The following NOS1AP variants were observed in gnomAD, a reference collection of about 807,000 sequenced individuals.
The protein encoded by NOS1AP is nitric oxide synthase 1 adaptor protein.
A neutral mutation model predicts 56.2 loss-of-function variants in NOS1AP; 21 were observed. The ratio of observed to expected loss-of-function variants is 0.37; its 90% CI spans 0.26 to 0.54. The LOEUF is 0.54. Ranked by LOEUF, NOS1AP falls within the 20% of genes least tolerant of loss-of-function variation. NOS1AP has a pLI of 0.84. For synonymous variants in NOS1AP, 270 were observed against 274.6 expected (o/e 0.98, Z 0.17); for missense variants, 522 against 657.8 (o/e 0.79, Z 2.26).
At chr1:162,230,502 A>G (rs1653087979) in intron 2 of NOS1AP, among the ~76,000 whole-genome samples, 1 of 152,254 alleles carries the variant, frequency 6.6e-6, no homozygotes, top group African/African-American at 2.4e-5. Flanking sequence ...ATCTGGTGAT[A>G]CTAATTTTTA....
intron 2 of NOS1AP, among the ~76,000 whole-genome samples, chr1:162,249,809 T>C (rs953186836): frequency 6.6e-6 from 1 of 152,190 alleles, no homozygotes; most frequent in African/African-American, 2.4e-5. Context: ...CATTCAACCA[T>C]GATCTACTCT....
chr1:162,166,004 ACTCAAGAATGTAAGCTGGAAAC>A (rs1384468912), intron 2 of NOS1AP, among the ~76,000 whole-genome samples: 1 of 152,160 alleles, frequency 6.6e-6, no homozygotes, highest in African/African-American at 2.4e-5. Flanking sequence ...CATCTTGACC[ACTCAAGAATGTAAGCTGGAAAC>A]CTCAGGGTCA....
At position 162,367,264 on chromosome 1, in the gene NOS1AP, C is replaced by T. The variant is rs750724443; in HGVS notation, c.1318C>T (p.Pro440Ser). Reference protein sequence around the residue: ...CFRFLPPEDTPPPAQGEALLG... With the variant: ...CFRFLPPEDTSPPAQGEALLG... ...TCGCTTTCTTCCGCCCGAGGACACC[C>T]CGCCCCCAGCGCAGGGCGAGGCGCT... Residue 440 changes from proline (P) to serine (S), a missense_variant, in exon 10 of 10, where the codon CCG becomes TCG. Pro to Ser is a moderately conservative substitution (Grantham distance 74). This residue lies in a region of NOS1AP where 160 missense variants were observed against 180.3 expected (regional missense o/e 0.89). Coordinates refer to ENST00000361897, the MANE Select transcript of NOS1AP (RefSeq NM_014697.3). This position sits in a 1 kb window ranked among gnomAD's most constrained non-coding sequence, Gnocchi z 6.5. The T allele has an allele frequency of 1.9e-4, 311 of 1,613,588 alleles. 1 individual carries two copies. Among genetic ancestry groups the T allele is most frequent in the Non-Finnish European group, 2.6e-4 (305 of 1,179,966 alleles).
At chr1:162,240,519 C>T (rs1443877462) in intron 2 of NOS1AP, among the ~76,000 whole-genome samples, 1 of 152,222 alleles carries the variant, frequency 6.6e-6, no homozygotes, top group Admixed American at 6.5e-5. Context: ...TGGATAAGGG[C>T]TCTTACAGCA....
At chr1:162,257,580 CAGAG>C (rs1381921255) in intron 2 of NOS1AP, among the ~76,000 whole-genome samples, 2 of 150,964 alleles carry the variant, frequency 1.3e-5, no homozygotes, top group African/African-American at 4.9e-5. Flanking sequence ...ATCCAGGAGG[CAGAG>C]GTTGCAGTGA....
Position 162,261,515 on chromosome 1 carries a change from A to AAGAGAAGAGAG in NOS1AP, c.178-25829_178-25828insAGAGAAGAGAG, listed in dbSNP as rs1557853895. On this transcript the variant is annotated intron_variant, in intron 2 of 9. Coordinates refer to ENST00000361897, the MANE Select transcript of NOS1AP (RefSeq NM_014697.3). ...GAGAGAGAGAGAGAGAGAGAGAGAG[A>AAGAGAAGAGAG]GAGAGAGAGAGAGAGAGAGAGAGAG... is the stretch of plus-strand genomic sequence containing the variant. 2.4e-4 allele frequency among the ~76,000 whole-genome samples: 6 copies of AAGAGAAGAGAG among 24,602 alleles called. 2 individuals carry two copies. The highest frequency in any genetic ancestry group is 1.3e-3 in the Admixed American group (4 of 3,138). 16.1% of individuals were successfully genotyped at this position (24,602 alleles called of 152,430 possible). A position where few individuals can be genotyped will look rare whatever the true frequency, so the allele number is the denominator to read the frequency against.
intron 4 of NOS1AP, among the ~76,000 whole-genome samples, chr1:162,315,167 T>C (rs1412565851): frequency 6.6e-6 from 1 of 152,182 alleles, no homozygotes; most frequent in Non-Finnish European, 1.5e-5. Context: ...TACACTGACA[T>C]GTAAGGACCA....
chr1:162,315,336 T>G (rs1310894173), intron 4 of NOS1AP, among the ~76,000 whole-genome samples: 1 of 152,242 alleles, frequency 6.6e-6, no homozygotes, highest in Non-Finnish European at 1.5e-5. Context: ...TGTAGCTTAC[T>G]CCGCAGCATG....
chr1:162,337,204 G>A (rs553554814), intron 5 of NOS1AP, among the ~76,000 whole-genome samples: 1 of 152,318 alleles, frequency 6.6e-6, no homozygotes, highest in African/African-American at 2.4e-5. Context: ...GTGATTAACA[G>A]GAGCTGCAGG....
chr1:162,258,463 C>G (rs866339781), intron 2 of NOS1AP, among the ~76,000 whole-genome samples: 11 of 152,080 alleles, frequency 7.2e-5, no homozygotes, highest in Non-Finnish European at 1.5e-4. Context: ...CTTTTCCTCC[C>G]ATGGAATCCA....
chr1:162,363,718 G>C, intron 8 of NOS1AP: 1 of 850,784 alleles, frequency 1.2e-6, no homozygotes, highest in Non-Finnish European at 1.4e-6. Context: ...GGTTTGGGGA[G>C]CTATATGTCA....
chr1:162,365,289 G>A (rs1658041303), intron 8 of NOS1AP, 115 bp from the exon 9 acceptor site: 1 of 1,569,634 alleles, frequency 6.4e-7, no homozygotes, highest in South Asian at 1.2e-5. Flanking sequence ...GCTTCTTCTT[G>A]AACTGAATGT....
chr1:162,132,558 G>A (rs1490183672), intron 1 of NOS1AP, among the ~76,000 whole-genome samples: 1 of 152,256 alleles, frequency 6.6e-6, no homozygotes, highest in Admixed American at 6.5e-5. Context: ...CTGATAAAGT[G>A]AGATCACGGC....
chr1:162,269,968 T>C (rs1300413700), intron 2 of NOS1AP, among the ~76,000 whole-genome samples: 4 of 152,180 alleles, frequency 2.6e-5, no homozygotes, highest in Non-Finnish European at 5.9e-5. Context: ...ATGATAAAAT[T>C]ACATGGGCCC....
At chr1:162,332,575 C>A (rs1168423125) in intron 4 of NOS1AP, among the ~76,000 whole-genome samples, 1 of 152,136 alleles carries the variant, frequency 6.6e-6, no homozygotes, top group African/African-American at 2.4e-5. Context: ...GTATCTTAGT[C>A]CCTCCCAATG....
At chr1:162,293,964 C>A (rs6677529) in intron 3 of NOS1AP, among the ~76,000 whole-genome samples, 39,018 of 152,104 alleles carry the variant, frequency 0.26, 5,938 homozygotes, top group African/African-American at 0.42. Flanking sequence ...AAAAATGAAG[C>A]AGATACAGAT....
At chr1:162,264,830 T>C (rs867327112) in intron 2 of NOS1AP, among the ~76,000 whole-genome samples, 43 of 110,928 alleles carry the variant, frequency 3.9e-4, no homozygotes, top group African/African-American at 1.4e-3. Context: ...TTTTTTTTTT[T>C]CAAGACAGGG....
chr1:162,195,642 C>A (rs1212391056), intron 2 of NOS1AP, among the ~76,000 whole-genome samples: 6 of 152,272 alleles, frequency 3.9e-5, no homozygotes, highest in Non-Finnish European at 5.9e-5. Context: ...TTACTGTTGC[C>A]GTGTCCTTTC....
At chr1:162,140,778 G>A (rs10918738) in intron 1 of NOS1AP, among the ~76,000 whole-genome samples, 5 of 151,822 alleles carry the variant, frequency 3.3e-5, no homozygotes, top group African/African-American at 9.7e-5. Flanking sequence ...ATAGAAGCGC[G>A]CCCTTTTCTC....
Sources: gnomAD v4.1 joint callset for allele counts (sites outside exome capture counted in the v4.1 genomes callset) on GRCh38, gnomAD v4.1.1 for gene constraint, gnomAD v4.1.1 regional missense constraint, Gnocchi (gnomAD v3.1) non-coding constraint, MANE v1.5 for transcripts, NCBI Gene and HGNC (gene_info 2026-07-23, HGNC 2026-07-21) for gene names.